Variants in ASH1L observed in about 807,000 individuals in gnomAD.
ASH1L encodes the protein histone-lysine N-methyltransferase ASH1L.
In ASH1L, 23 loss-of-function variants were observed where a neutral mutation model predicts 269.0. The ratio of observed to expected loss-of-function variants is 0.09; its 90% CI spans 0.06 to 0.12. The LOEUF is 0.12. ASH1L is among the 10% of genes least tolerant of loss of function. The pLI is 1.00. For synonymous variants in ASH1L, 1,187 were observed against 1,253.5 expected (o/e 0.95, Z 1.12); for missense variants, 2,912 against 3,567.8 (o/e 0.82, Z 4.68).
At chr1:155,351,532 G>A (rs1653929369) in intron 17 of ASH1L, among the ~76,000 whole-genome samples, 2 of 151,310 alleles carry the variant, frequency 1.3e-5, no homozygotes, top group Non-Finnish European at 2.9e-5. Context: ...CAACCTGGGC[G>A]ACAGACTGAG....
chr1:155,548,071 A>T (rs545134824), intron 1 of ASH1L, among the ~76,000 whole-genome samples: 10 of 152,182 alleles, frequency 6.6e-5, no homozygotes, highest in Non-Finnish European at 8.8e-5. Context: ...CAGGAACAGA[A>T]AACCAAACAC....
intron 25 of ASH1L, among the ~76,000 whole-genome samples, chr1:155,339,775 G>T (rs1036705519): frequency 6.6e-6 from 1 of 152,104 alleles, no homozygotes; most frequent in Non-Finnish European, 1.5e-5. Flanking sequence ...TTGCTCCTAG[G>T]CTACAAGCCT....
At position 155,521,111 on chromosome 1, in the gene ASH1L, G is replaced by A. The variant is rs747812661; in HGVS notation, c.409C>T (p.Pro137Ser). 5 of 1,596,134 alleles carry A rather than the reference G, an allele frequency of 3.1e-6. No individual in the cohort carries two copies. Among genetic ancestry groups the A allele is most frequent in the African/African-American group, 2.7e-5 (2 of 73,858 alleles). The change falls in exon 2 of 28, where the codon CCT (proline) becomes TCT (serine). Residue 137 changes from proline (P) to serine (S), a missense_variant. By Grantham distance (74) the Pro-to-Ser change is moderately conservative. This residue lies in a region of ASH1L where 277 missense variants were observed against 367.7 expected (regional missense o/e 0.75). Transcript: ENST00000392403. ...KMTDEKNEHCPSKRDPSKLYK... is the reference protein window; with the variant it reads ...KMTDEKNEHCSSKRDPSKLYK... The stretch of plus-strand genomic sequence containing the variant: ...GGAATTCTACTTACTCGTTTTGAAG[G>A]ACAGTGTTCATTCTTTTCATCCGTC...
intron 3 of ASH1L, among the ~76,000 whole-genome samples, chr1:155,470,198 C>T (rs935032415): frequency 6.6e-6 from 1 of 152,120 alleles, no homozygotes. Context: ...GTGGCTCACA[C>T]CTGTAATCCC....
Position 155,479,935 on chromosome 1 carries a change from T to A in ASH1L, c.2935A>T (p.Met979Leu). ...TTTATTTTGCGGATAATTGTTTTCA[T>A]TAATTGTCCATTGTTTCTCTTGGTA... ...KITKRNNGQL[M>L]KTIIRKINKM... Residue 979 changes from methionine (M) to leucine (L), a missense_variant, in exon 3 of 28, where the codon ATG becomes TTG. Around this residue, in one of 13 missense-constraint regions of ASH1L, gnomAD observed 715 missense variants for 721.0 expected, o/e 0.99. Coordinates refer to ENST00000392403, the MANE Select transcript of ASH1L (RefSeq NM_018489.3). 1 of 1,613,602 alleles carries A rather than the reference T, an allele frequency of 6.2e-7. No homozygotes were observed. The highest frequency in any genetic ancestry group is 8.5e-7 in the Non-Finnish European group (1 of 1,179,812).
At chr1:155,402,549 C>T (rs1558067224) in intron 6 of ASH1L, among the ~76,000 whole-genome samples, 1 of 152,022 alleles carries the variant, frequency 6.6e-6, no homozygotes, top group African/African-American at 2.4e-5. Flanking sequence ...CCATGTTTTA[C>T]TGCTTTGTTT....
In ASH1L at chr1:155,343,570, G is replaced by A. The variant is rs371113892; in HGVS notation, c.8120+34C>T. On this transcript the variant is annotated intron_variant, in intron 23 of 27. Transcript: ENST00000392403. This position sits in a 1 kb window ranked among gnomAD's most constrained non-coding sequence, Gnocchi z 6.1. ...ACATTCAGCTCCACTGGTACAGCACGGCTGGAAGAAAAGGACAGGACCTCA... is the reference window on the plus strand; with the variant it reads ...ACATTCAGCTCCACTGGTACAGCACAGCTGGAAGAAAAGGACAGGACCTCA... 2.7e-5 allele frequency: 44 copies of A among 1,613,254 alleles called. No homozygotes were observed. The highest frequency in any genetic ancestry group is 2.0e-4 in the African/African-American group (15 of 75,006).
chr1:155,390,791 G>A (rs1397851609), intron 7 of ASH1L, among the ~76,000 whole-genome samples: 1 of 151,738 alleles, frequency 6.6e-6, no homozygotes, highest in Non-Finnish European at 1.5e-5. Flanking sequence ...GACTACGTGC[G>A]CCCGCCACCA....
intron 2 of ASH1L, among the ~76,000 whole-genome samples, chr1:155,511,064 T>C (rs1293482679): frequency 6.6e-6 from 1 of 152,164 alleles, no homozygotes; most frequent in African/African-American, 2.4e-5. Context: ...AATAAAAGTA[T>C]GAAATATGAC....
intron 3 of ASH1L, among the ~76,000 whole-genome samples, chr1:155,463,222 C>T (rs1402730515): frequency 6.6e-6 from 1 of 152,070 alleles, no homozygotes; most frequent in Non-Finnish European, 1.5e-5. Flanking sequence ...AAACCTAAAA[C>T]ATAATGCAGA....
intron 2 of ASH1L, among the ~76,000 whole-genome samples, chr1:155,493,087 A>C (rs1558163927): frequency 1.3e-5 from 2 of 152,112 alleles, no homozygotes; most frequent in Non-Finnish European, 2.9e-5. Context: ...AAAGTGTTGG[A>C]ATTACAAGCA....
chr1:155,477,422 A>T (rs1371402819), intron 3 of ASH1L, among the ~76,000 whole-genome samples: 5 of 151,614 alleles, frequency 3.3e-5, no homozygotes, highest in African/African-American at 1.2e-4. Flanking sequence ...GACATACAGT[A>T]TTAATAACAT....
intron 4 of ASH1L, among the ~76,000 whole-genome samples, chr1:155,447,474 C>T (rs1443831628): frequency 6.6e-6 from 1 of 152,176 alleles, no homozygotes; most frequent in Non-Finnish European, 1.5e-5. Flanking sequence ...AGGCAATCCG[C>T]ATGCCTCAGG....
intron 5 of ASH1L, among the ~76,000 whole-genome samples, chr1:155,416,316 GC>G (rs1387265901): frequency 6.6e-6 from 1 of 151,834 alleles, no homozygotes; most frequent in East Asian, 1.9e-4. Context: ...GACGGGTTTT[GC>G]CATGTTGGCT....
At chr1:155,525,152 CAAG>C (rs1669159918) in intron 1 of ASH1L, among the ~76,000 whole-genome samples, 1 of 151,858 alleles carries the variant, frequency 6.6e-6, no homozygotes, top group Non-Finnish European at 1.5e-5. Context: ...GAGGATGAGG[CAAG>C]AAGATGGCTG....
chr1:155,354,416 C>A, intron 16 of ASH1L, 57 bp downstream of exon 16: 2 of 1,526,052 alleles, frequency 1.3e-6, no homozygotes, highest in Non-Finnish European at 1.8e-6. Context: ...GCACTCCAGT[C>A]TGGGCAACAA....
At chr1:155,468,343 C>A (rs1242814927) in intron 3 of ASH1L, among the ~76,000 whole-genome samples, 1 of 151,816 alleles carries the variant, frequency 6.6e-6, no homozygotes, top group Non-Finnish European at 1.5e-5. Context: ...GTCTGCCAGG[C>A]CTCTTCACTG....
intron 1 of ASH1L, among the ~76,000 whole-genome samples, chr1:155,547,728 A>C (rs1488229254): frequency 1.3e-5 from 2 of 152,056 alleles, no homozygotes; most frequent in African/African-American, 2.4e-5. Context: ...AGTCTCAAAA[A>C]AAAAAAGGCC....
chr1:155,436,289 T>G (rs1000914854), intron 5 of ASH1L, among the ~76,000 whole-genome samples: 1 of 151,646 alleles, frequency 6.6e-6, no homozygotes, highest in Non-Finnish European at 1.5e-5. Flanking sequence ...CCTCCCGTGT[T>G]CAAGGGATTC....
Sources: allele counts gnomAD v4.1 joint callset (sites outside exome capture counted in the v4.1 genomes callset), GRCh38; gene constraint gnomAD v4.1.1; regional missense constraint gnomAD v4.1.1; non-coding constraint Gnocchi (gnomAD v3.1); transcripts MANE v1.5; gene names NCBI Gene and HGNC (gene_info 2026-07-23, HGNC 2026-07-21).